The following DECR1 variants were observed in gnomAD, a reference collection of about 807,000 sequenced individuals.
DECR1 encodes 2,4-dienoyl-CoA reductase [(3E)-enoyl-CoA-producing], mitochondrial.
DECR1 carries 44 observed loss-of-function variants against 38.8 expected under a neutral mutation model. That is an observed-to-expected ratio of 1.13 (90% confidence interval 0.89 to 1.46). The LOEUF (loss-of-function observed/expected upper bound fraction) is 1.46, where lower values mean the gene tolerates loss of function less well. Among genes scored for constraint, DECR1 ranks in the 40% most tolerant of loss-of-function variants. DECR1 has a pLI of 0.00. For missense variants in DECR1, 428 were observed against 405.5 expected, an observed-to-expected ratio of 1.06 and a Z score of -0.48; for synonymous variants, 148 against 135.2, an observed-to-expected ratio of 1.09 and a Z score of -0.66.
chr8:90,044,946 ATCT>A lies in DECR1; in HGVS notation c.838_840del (p.Leu280del). On this transcript the variant is annotated inframe_deletion, in exon 8 of 10. Coordinates refer to ENST00000220764, the MANE Select transcript of DECR1 (RefSeq NM_001359.2). ...CTGGGGACTGTAGAAGAACTCGCAA[ATCT>A]TGCTGCTTTCCTTTGTAGTGATTAT... 3.1e-6 allele frequency: 5 copies of A among 1,613,912 alleles called. No homozygotes were observed. The highest frequency in any genetic ancestry group is 2.5e-6 in the Non-Finnish European group (3 of 1,179,880).
intron 1 of DECR1, among the ~76,000 whole-genome samples, chr8:90,011,177 C>T (rs562130793): frequency 2.0e-5 from 3 of 152,312 alleles, no homozygotes; most frequent in African/African-American, 7.2e-5. Flanking sequence ...TTACACTTAA[C>T]ACATAGTGTC....
At chr8:90,005,472 G>A (rs1313149419) in intron 1 of DECR1, 3 of 456,056 alleles carry the variant, frequency 6.6e-6, no homozygotes, top group Middle Eastern at 6.5e-4. Context: ...AAAGATGGAA[G>A]CCAAAGTATC....
chr8:90,004,565 A>G, intron 1 of DECR1, among the ~76,000 whole-genome samples: 1 of 152,158 alleles, frequency 6.6e-6, no homozygotes, highest in Admixed American at 6.5e-5. Context: ...TGGATGTCAC[A>G]TTTTCCCTTA....
chr8:90,031,211 T>C (rs1214481024), intron 5 of DECR1, among the ~76,000 whole-genome samples: 1 of 152,100 alleles, frequency 6.6e-6, no homozygotes, highest in African/African-American at 2.4e-5. Flanking sequence ...AATAAAGCCT[T>C]CCTCCTAGGA....
At chr8:90,042,470 T>A (rs1813785089) in intron 6 of DECR1, 1 of 470,370 alleles carries the variant, frequency 2.1e-6, no homozygotes, top group African/African-American at 2.0e-5. Context: ...AAGGTTAGGT[T>A]GTACAGTAGA....
intron 5 of DECR1, among the ~76,000 whole-genome samples, chr8:90,030,210 A>T (rs1433451454): frequency 1.3e-5 from 2 of 152,126 alleles, no homozygotes; most frequent in Non-Finnish European, 2.9e-5. Flanking sequence ...TCAGGCAGTA[A>T]TGCTGGCTCA....
At chr8:90,004,276 G>A (rs899632889) in intron 1 of DECR1, among the ~76,000 whole-genome samples, 5 of 151,864 alleles carry the variant, frequency 3.3e-5, no homozygotes, top group African/African-American at 1.2e-4. Flanking sequence ...GAACCTAGGA[G>A]GCAGAGGTTG....
At chr8:90,038,549 C>G (rs1563649484) in intron 6 of DECR1, among the ~76,000 whole-genome samples, 1 of 149,734 alleles carries the variant, frequency 6.7e-6, no homozygotes, top group Non-Finnish European at 1.5e-5. Flanking sequence ...ACCTGTGCCT[C>G]CTGGGTTCAA....
At chr8:90,014,903 A>T (rs1162936195) in intron 1 of DECR1, among the ~76,000 whole-genome samples, 4 of 152,188 alleles carry the variant, frequency 2.6e-5, no homozygotes, top group South Asian at 2.1e-4. Flanking sequence ...ACTGCCACTT[A>T]TGTAGAAAAA....
At chr8:90,015,419 A>G (rs997729086) in intron 1 of DECR1, 1 of 306,942 alleles carries the variant, frequency 3.3e-6, no homozygotes, top group Non-Finnish European at 6.5e-6. Context: ...TACTGTTGTT[A>G]TTTCCTTCTA....
chr8:90,045,270 C>G (rs568163526), intron 8 of DECR1, among the ~76,000 whole-genome samples: 3 of 152,162 alleles, frequency 2.0e-5, no homozygotes, highest in South Asian at 2.1e-4. Context: ...GGGGAATTCC[C>G]TTTCCTAGCC....
chr8:90,027,144 A>G (rs929282595), intron 5 of DECR1, among the ~76,000 whole-genome samples: 8 of 152,172 alleles, frequency 5.3e-5, no homozygotes, highest in African/African-American at 1.9e-4. Context: ...ACTTCCAACT[A>G]TGTGGTCAAG....
chr8:90,036,788 T>C, intron 5 of DECR1, 53 bp from the exon 6 acceptor site: 3 of 1,118,570 alleles, frequency 2.7e-6, no homozygotes, highest in South Asian at 2.8e-5. Flanking sequence ...GTTTTCCTTA[T>C]GTGTAGTGAT....
intron 5 of DECR1, among the ~76,000 whole-genome samples, chr8:90,030,031 G>A (rs934526310): frequency 3.3e-5 from 5 of 152,146 alleles, no homozygotes; most frequent in African/African-American, 1.2e-4. Context: ...CACAGACCAG[G>A]GGAAGGTGCA....
chr8:90,040,380 G>A (rs1054424547), intron 6 of DECR1, among the ~76,000 whole-genome samples: 4 of 152,098 alleles, frequency 2.6e-5, no homozygotes, highest in Non-Finnish European at 5.9e-5. Flanking sequence ...TTGAGATTAC[G>A]TGTACCCTAT....
intron 2 of DECR1, 196 bp from the exon 3 acceptor site, chr8:90,018,713 A>G (rs1056212951): frequency 1.4e-5 from 7 of 512,182 alleles, no homozygotes; most frequent in Non-Finnish European, 2.1e-5. Context: ...AAAAGTGACT[A>G]ATTCAATAAG....
chr8:90,021,117 A>G, intron 5 of DECR1, 61 bp downstream of exon 5: 3 of 1,382,830 alleles, frequency 2.2e-6, no homozygotes, highest in Non-Finnish European at 2.9e-6. Context: ...TTCTGTGGTA[A>G]GCTCTGTGAT....
rs568003569 is a variant in DECR1, at chr8:90,050,776, GAT to G, written c.886-900_886-899del. On this transcript the variant is annotated intron_variant, in intron 8 of 9. Transcript: ENST00000220764. ...ATAGCAAAGACTTGGAACCAACCCA[GAT>G]GTCTATCAATGATAGACTGGATTAA... is the stretch of plus-strand genomic sequence containing the variant. Among the ~76,000 whole-genome samples the G allele has an allele frequency of 5.7e-3, 861 of 152,224 alleles. 8 individuals carry two copies. Among genetic ancestry groups the G allele is most frequent in the Non-Finnish European group, 9.4e-3 (640 of 68,000 alleles).
At chr8:90,022,496 A>T (rs561386737) in intron 5 of DECR1, among the ~76,000 whole-genome samples, 3 of 151,526 alleles carry the variant, frequency 2.0e-5, no homozygotes, top group Non-Finnish European at 4.4e-5. Context: ...GTTTTATTTG[A>T]TGTTTTTTTT....
Sources: gnomAD v4.1 joint callset for allele counts (sites outside exome capture counted in the v4.1 genomes callset) on GRCh38, gnomAD v4.1.1 for gene constraint, MANE v1.5 for transcripts, NCBI Gene and HGNC (gene_info 2026-07-23, HGNC 2026-07-21) for gene names.